The following FKBP9 variants were observed in gnomAD, a reference collection of about 807,000 sequenced individuals.
FKBP9 encodes the protein peptidyl-prolyl cis-trans isomerase FKBP9.
A neutral mutation model predicts 55.6 loss-of-function variants in FKBP9; 27 were observed. The observed-to-expected ratio is 0.49, with a 90% CI of 0.36 to 0.67. The LOEUF (loss-of-function observed/expected upper bound fraction) is 0.67. FKBP9 is among the 30% of genes least tolerant of loss of function. The pLI, the probability that FKBP9 is intolerant of heterozygous loss-of-function variation, is 0.00. For synonymous variants in FKBP9, 267 were observed against 296.5 expected, an observed-to-expected ratio of 0.90 and a Z score of 1.02; for missense variants, 539 against 742.8, an observed-to-expected ratio of 0.73 and a Z score of 3.19.
chr7:32,978,757 A>G (rs150781767), intron 4 of FKBP9, among the ~76,000 whole-genome samples: 3,351 of 152,302 alleles, frequency 0.022, 112 homozygotes, highest in African/African-American at 0.076. Context: ...CCACATAACA[A>G]AACCAGATGT....
intron 5 of FKBP9, among the ~76,000 whole-genome samples, chr7:32,982,736 A>C (rs1312807809): frequency 2.0e-5 from 3 of 152,188 alleles, no homozygotes; most frequent in African/African-American, 7.2e-5. Context: ...TAATGGAACC[A>C]CAGTTTTCTT....
chr7:32,959,134 G>A (rs561331631), intron 1 of FKBP9, among the ~76,000 whole-genome samples: 1 of 152,130 alleles, frequency 6.6e-6, no homozygotes, highest in South Asian at 2.1e-4. Context: ...GGCCGGGCGC[G>A]GTGGCTCACG....
chr7:32,961,928 A>C (rs112581006), intron 1 of FKBP9, among the ~76,000 whole-genome samples: 3 of 151,974 alleles, frequency 2.0e-5, no homozygotes, highest in Non-Finnish European at 4.4e-5. Context: ...GGTGAGTTGT[A>C]TAATTATTTC....
At chr7:32,973,593 GT>G (rs1784293259) in intron 1 of FKBP9, among the ~76,000 whole-genome samples, 1 of 149,268 alleles carries the variant, frequency 6.7e-6, no homozygotes. Flanking sequence ...GTGTGTGTGT[GT>G]GTGTGTGTGT....
At chr7:33,003,127 A>G (rs1784964034) in intron 9 of FKBP9, among the ~76,000 whole-genome samples, 1 of 152,206 alleles carries the variant, frequency 6.6e-6, no homozygotes, top group Non-Finnish European at 1.5e-5. Context: ...GCCTGCCTGT[A>G]TGTGCTGAGT....
intron 5 of FKBP9, among the ~76,000 whole-genome samples, chr7:32,986,813 T>C (rs1296784639): frequency 6.6e-6 from 1 of 152,186 alleles, no homozygotes; most frequent in Non-Finnish European, 1.5e-5. Context: ...GGTGAGGGAA[T>C]GGCAGGACCG....
intron 1 of FKBP9, among the ~76,000 whole-genome samples, chr7:32,959,310 C>G (rs912572959): frequency 3.3e-5 from 5 of 152,206 alleles, no homozygotes; most frequent in Non-Finnish European, 7.3e-5. Context: ...GAGGTTGAGA[C>G]AGGAGAATGG....
intron 1 of FKBP9, among the ~76,000 whole-genome samples, chr7:32,967,632 C>T (rs1385197632): frequency 1.3e-5 from 2 of 152,122 alleles, no homozygotes; most frequent in African/African-American, 2.4e-5. Flanking sequence ...ATTTATTTGT[C>T]TATGGACATT....
intron 4 of FKBP9, chr7:32,979,469 A>G (rs1368635403): frequency 6.0e-6 from 9 of 1,508,706 alleles, no homozygotes; most frequent in Admixed American, 5.9e-5. Flanking sequence ...CATTCCTTGG[A>G]TGGGAAGGAG....
At chr7:32,984,878 C>G (rs1426517772) in intron 5 of FKBP9, among the ~76,000 whole-genome samples, 1 of 152,120 alleles carries the variant, frequency 6.6e-6, no homozygotes, top group African/African-American at 2.4e-5. Context: ...GAACTAAATT[C>G]TTATATGTAC....
chr7:33,003,100 G>A (rs1372454032), intron 9 of FKBP9, among the ~76,000 whole-genome samples: 2 of 152,186 alleles, frequency 1.3e-5, no homozygotes, highest in South Asian at 2.1e-4. Context: ...TTTAGTTCTC[G>A]TTACTGGGTG....
chr7:32,989,992 G>C (rs970181254), intron 6 of FKBP9, among the ~76,000 whole-genome samples: 2 of 150,894 alleles, frequency 1.3e-5, no homozygotes, highest in Non-Finnish European at 3.0e-5. Context: ...TAATTCAAAA[G>C]CAATTTTTTT....
chr7:33,003,879 G>A (rs1784979741), intron 9 of FKBP9, among the ~76,000 whole-genome samples: 1 of 151,984 alleles, frequency 6.6e-6, no homozygotes, highest in Non-Finnish European at 1.5e-5. Context: ...GATGGCGTCT[G>A]GATTTGTAGC....
intron 6 of FKBP9, among the ~76,000 whole-genome samples, chr7:32,994,815 AG>A (rs1226270912): frequency 5.7e-4 from 87 of 152,306 alleles, no homozygotes; most frequent in Non-Finnish European, 2.2e-4. Context: ...TATTAGAGAT[AG>A]GAGAGAGACC....
chr7:32,972,244 C>T, intron 1 of FKBP9, among the ~76,000 whole-genome samples: 1 of 152,120 alleles, frequency 6.6e-6, no homozygotes, highest in Non-Finnish European at 1.5e-5. Context: ...GACTTGGGCA[C>T]ACAACTGGCC....
chr7:32,964,048 C>G (rs988599715), intron 1 of FKBP9, among the ~76,000 whole-genome samples: 12 of 152,334 alleles, frequency 7.9e-5, no homozygotes, highest in Admixed American at 1.3e-4. Flanking sequence ...GAACAACTGG[C>G]CAGGTCAGGA....
At chr7:32,979,945 C>G (rs373494760) in intron 4 of FKBP9, among the ~76,000 whole-genome samples, 3 of 151,456 alleles carry the variant, frequency 2.0e-5, no homozygotes. Context: ...TTTCAAAGAA[C>G]AAGTCTGTGT....
At chr7:32,960,906 G>T (rs1353751620) in intron 1 of FKBP9, among the ~76,000 whole-genome samples, 1 of 152,174 alleles carries the variant, frequency 6.6e-6, no homozygotes, top group Admixed American at 6.5e-5. Context: ...TTTAATCTTA[G>T]AATAATTTGT....
intron 1 of FKBP9, among the ~76,000 whole-genome samples, chr7:32,962,856 A>G (rs572763870): frequency 9.5e-5 from 13 of 136,956 alleles, no homozygotes; most frequent in Non-Finnish European, 1.7e-4. Flanking sequence ...GGTGAGGACT[A>G]TGGAGAAAAA....
Sources: gnomAD v4.1 joint callset for allele counts (sites outside exome capture counted in the v4.1 genomes callset) on GRCh38, gnomAD v4.1.1 for gene constraint, MANE v1.5 for transcripts, NCBI Gene and HGNC (gene_info 2026-07-23, HGNC 2026-07-21) for gene names.